Variants in STX18 observed in about 807,000 individuals in gnomAD.
STX18 encodes syntaxin-18.
Under a neutral mutation model 50.1 loss-of-function variants are expected in STX18, and 40 were observed. That is an observed-to-expected ratio of 0.80 (90% CI 0.62 to 1.04). STX18 has a LOEUF of 1.04. STX18 is among the 50% of genes least tolerant of loss of function. The pLI, the probability that STX18 is intolerant of heterozygous loss-of-function variation, is 0.00. For missense variants in STX18, 410 were observed against 415.8 expected (o/e 0.99, Z 0.12); for synonymous variants, 158 against 151.8 (o/e 1.04, Z -0.30).
chr4:4,470,308 C>T (rs1727847757), intron 2 of STX18, among the ~76,000 whole-genome samples: 1 of 152,174 alleles, frequency 6.6e-6, no homozygotes, highest in South Asian at 2.1e-4. Flanking sequence ...CAATACTCCT[C>T]TTCCTAGTTG....
chr4:4,460,582 C>T (rs190666894), intron 2 of STX18, among the ~76,000 whole-genome samples: 98 of 152,290 alleles, frequency 6.4e-4, no homozygotes, highest in African/African-American at 2.1e-3. Flanking sequence ...GGAGTCACCC[C>T]TATCCCACGG....
At chr4:4,443,969 T>C (rs1317891252) in intron 5 of STX18, among the ~76,000 whole-genome samples, 1 of 152,182 alleles carries the variant, frequency 6.6e-6, no homozygotes, top group African/African-American at 2.4e-5. Flanking sequence ...TCCTGGGAGA[T>C]AACCTCTAAG....
rs774220039 is a variant in STX18, at chr4:4,471,642, T to C, written c.233A>G (p.Tyr78Cys). 5.1e-6 allele frequency: 8 copies of C among 1,566,144 alleles called. No individual in the cohort carries two copies. The highest frequency in any genetic ancestry group is 1.4e-5 in the African/African-American group (1 of 72,376). The change falls in exon 2 of 11, where the codon TAT becomes TGT. Residue 78 changes from tyrosine (Y) to cysteine (C), a missense_variant. By Grantham distance (194) the Tyr-to-Cys change is radical (BLOSUM62 -2). Coordinates refer to ENST00000306200, the MANE Select transcript of STX18 (RefSeq NM_016930.4). ...TGGTAAAAAAATATGTACTTACCTA[T>C]AAGCATTAATATAATCTTTCCTGTG... ...LEHRKDYINA[Y>C]SHTMSEYGRM... is the part of the protein sequence containing the mutation.
intron 5 of STX18, among the ~76,000 whole-genome samples, chr4:4,456,263 CAAAAAAAACA>C (rs1189845253): frequency 1.4e-5 from 2 of 146,852 alleles, no homozygotes; most frequent in African/African-American, 2.5e-5. Flanking sequence ...GTCTCAAAAA[CAAAAAAAACA>C]AAAAAAAACA....
Position 4,516,490 on chromosome 4 carries a change from C to T in STX18, c.168+25307G>A, listed in dbSNP as rs191166749. Among the ~76,000 whole-genome samples, 449 of 151,940 alleles carry T rather than the reference C, an allele frequency of 3.0e-3. 3 individuals are homozygous for T. The highest frequency in any genetic ancestry group is 9.8e-3 in the African/African-American group (407 of 41,424). On this transcript the variant is annotated intron_variant, in intron 1 of 10. Transcript: ENST00000306200. The stretch of plus-strand genomic sequence containing the variant: ...AAATTGAAAAATTATGCCTCTTTTC[C>T]GACAGGAATTGGCCATATTGATGAT...
At chr4:4,535,162 C>G (rs1347983555) in intron 1 of STX18, among the ~76,000 whole-genome samples, 1 of 152,180 alleles carries the variant, frequency 6.6e-6, no homozygotes, top group Non-Finnish European at 1.5e-5. Context: ...ACTGATTCTC[C>G]CCTAAAGAGA....
intron 1 of STX18, among the ~76,000 whole-genome samples, chr4:4,527,661 T>TGGA (rs1283774127): frequency 6.6e-6 from 1 of 151,792 alleles, no homozygotes; most frequent in Non-Finnish European, 1.5e-5. Context: ...AGGTCATATT[T>TGGA]GGAGGGAAAG....
chr4:4,505,622 A>AT (rs1411170261), intron 1 of STX18, among the ~76,000 whole-genome samples: 2 of 141,628 alleles, frequency 1.4e-5, no homozygotes, highest in African/African-American at 5.3e-5. Context: ...TCTGCTAAAA[A>AT]TAAAAAAAAA....
intron 1 of STX18, among the ~76,000 whole-genome samples, chr4:4,475,200 G>A (rs1471933800): frequency 6.6e-6 from 1 of 152,204 alleles, no homozygotes; most frequent in African/African-American, 2.4e-5. Flanking sequence ...TCTAACAAAT[G>A]TGATCCCAAC....
At chr4:4,522,606 G>A (rs376147092) in intron 1 of STX18, among the ~76,000 whole-genome samples, 5 of 152,136 alleles carry the variant, frequency 3.3e-5, no homozygotes, top group South Asian at 4.1e-4. Context: ...GCAACTCACA[G>A]AGCACTCCAG....
At chr4:4,503,270 A>C (rs1729540262) in intron 1 of STX18, among the ~76,000 whole-genome samples, 1 of 152,220 alleles carries the variant, frequency 6.6e-6, no homozygotes, top group Admixed American at 6.5e-5. Context: ...AATGAAATTG[A>C]TATTAAACCT....
chr4:4,421,866 AAACG>A (rs1387144238), intron 9 of STX18, among the ~76,000 whole-genome samples: 4 of 152,360 alleles, frequency 2.6e-5, no homozygotes, highest in African/African-American at 9.6e-5. Flanking sequence ...CGTTTACTCC[AAACG>A]AAGCCTTGAA....
chr4:4,524,924 T>A (rs533109017), intron 1 of STX18, among the ~76,000 whole-genome samples: 2 of 151,340 alleles, frequency 1.3e-5, no homozygotes, highest in East Asian at 3.9e-4. Flanking sequence ...AGGGTGAGAG[T>A]GGACCGCAAA....
chr4:4,487,003 G>A (rs752673439), intron 1 of STX18, among the ~76,000 whole-genome samples: 2 of 152,058 alleles, frequency 1.3e-5, no homozygotes, highest in Admixed American at 1.3e-4. Flanking sequence ...TTCTATAAAA[G>A]AAATAAACAT....
intron 1 of STX18, among the ~76,000 whole-genome samples, chr4:4,524,256 T>C (rs949236939): frequency 2.0e-5 from 3 of 152,218 alleles, no homozygotes; most frequent in African/African-American, 7.2e-5. Context: ...CAATTTTGAA[T>C]GCAATGTACA....
intron 5 of STX18, among the ~76,000 whole-genome samples, chr4:4,438,928 CATAT>C (rs138468990): frequency 5.4e-5 from 8 of 147,286 alleles, no homozygotes; most frequent in Non-Finnish European, 6.0e-5. Context: ...TACATATATT[CATAT>C]ATATATATAT....
intron 5 of STX18, among the ~76,000 whole-genome samples, chr4:4,440,399 T>G (rs1020502609): frequency 2.6e-5 from 4 of 152,184 alleles, no homozygotes; most frequent in Admixed American, 6.5e-5. Flanking sequence ...GTAGAGAAGT[T>G]AGGAAACTTG....
At chr4:4,507,149 G>A (rs1302434207) in intron 1 of STX18, 4 of 561,430 alleles carry the variant, frequency 7.1e-6, no homozygotes, top group African/African-American at 5.6e-5. Flanking sequence ...AAGAATGCTA[G>A]CAACACAGTA....
chr4:4,443,765 T>G (rs1330292454), intron 5 of STX18, among the ~76,000 whole-genome samples: 3 of 152,038 alleles, frequency 2.0e-5, no homozygotes, highest in African/African-American at 7.2e-5. Context: ...ATACACCCCC[T>G]TAACAAAAAA....
Sources: gnomAD v4.1 joint callset for allele counts (sites outside exome capture counted in the v4.1 genomes callset) on GRCh38, gnomAD v4.1.1 for gene constraint, MANE v1.5 for transcripts, NCBI Gene and HGNC (gene_info 2026-07-23, HGNC 2026-07-21) for gene names.